MAPT: variants seen among roughly 807,000 people sequenced by gnomAD.
MAPT encodes microtubule-associated protein tau.
Under a neutral mutation model 67.9 loss-of-function variants are expected in MAPT, and 34 were observed. The ratio of observed to expected loss-of-function variants is 0.50; its 90% CI spans 0.38 to 0.67. The LOEUF is 0.67. MAPT is among the 30% of genes least tolerant of loss of function. The probability of loss-of-function intolerance (pLI) is 0.00; values close to 1 mark genes in which losing one functional copy is unlikely to be tolerated. For synonymous variants in MAPT, 456 were observed against 464.5 expected, an observed-to-expected ratio of 0.98 and a Z score of 0.23; for missense variants, 881 against 1,115.2, an observed-to-expected ratio of 0.79 and a Z score of 2.99.
intron 1 of MAPT, among the ~76,000 whole-genome samples, chr17:45,954,979 C>T (rs553197705): frequency 7.5e-4 from 114 of 151,788 alleles, no homozygotes; most frequent in African/African-American, 2.3e-3. Context: ...AGCGAGACTC[C>T]GTCTCAAAAA....
At chr17:45,984,053 A>G in intron 5 of MAPT, 123 bp downstream of exon 5, 1 of 829,856 alleles carries the variant, frequency 1.2e-6, no homozygotes, top group Non-Finnish European at 1.9e-6. Context: ...CTAGGACGCC[A>G]CTAAATCGAC....
chr17:45,949,485 G>C (rs1035712332), intron 1 of MAPT, among the ~76,000 whole-genome samples: 10 of 152,228 alleles, frequency 6.6e-5, no homozygotes, highest in African/African-American at 2.2e-4. Flanking sequence ...TGATACAGTA[G>C]CATAGAGATG....
chr17:45,902,217 A>G (rs2063663024), intron 1 of MAPT, among the ~76,000 whole-genome samples: 1 of 152,136 alleles, frequency 6.6e-6, no homozygotes, highest in African/African-American at 2.4e-5. Flanking sequence ...GACTACAGGT[A>G]CACACCATAA....
chr17:45,907,516 CATAG>C (rs2064406950), intron 1 of MAPT, among the ~76,000 whole-genome samples: 1 of 152,174 alleles, frequency 6.6e-6, no homozygotes, highest in Non-Finnish European at 1.5e-5. Context: ...GAGCTGGGCA[CATAG>C]ATAGCTCAAA....
intron 1 of MAPT, among the ~76,000 whole-genome samples, chr17:45,899,163 C>G (rs527916005): frequency 4.4e-4 from 67 of 152,280 alleles, no homozygotes; most frequent in Middle Eastern, 3.4e-3. Flanking sequence ...AACCATGGTT[C>G]TCAACTGGGG....
At chr17:45,952,070 G>A (rs146598254) in intron 1 of MAPT, among the ~76,000 whole-genome samples, 5 of 152,278 alleles carry the variant, frequency 3.3e-5, no homozygotes, top group East Asian at 1.9e-4. Flanking sequence ...TGTGTGTCTC[G>A]CTTAGATTAC....
intron 1 of MAPT, among the ~76,000 whole-genome samples, chr17:45,942,928 C>A (rs1453527430): frequency 6.6e-6 from 1 of 152,238 alleles, no homozygotes; most frequent in Non-Finnish European, 1.5e-5. Context: ...GGACTCCAGG[C>A]AGCCTGGTCT....
At chr17:46,007,115 CCCA>C (rs1371189250) in intron 9 of MAPT, among the ~76,000 whole-genome samples, 1 of 151,140 alleles carries the variant, frequency 6.6e-6, no homozygotes, top group African/African-American at 2.4e-5. Flanking sequence ...TCTCATGTAC[CCCA>C]CAAGTATATA....
chr17:45,937,202 G>A (rs1180146864), intron 1 of MAPT, among the ~76,000 whole-genome samples: 1 of 152,152 alleles, frequency 6.6e-6, no homozygotes, highest in Non-Finnish European at 1.5e-5. Flanking sequence ...AGAAGTACCA[G>A]AGCTGTGAAA....
chr17:45,974,049 T>G, intron 3 of MAPT: 1 of 381,384 alleles, frequency 2.6e-6, no homozygotes, highest in Non-Finnish European at 5.0e-6. Flanking sequence ...ATCATATAGT[T>G]GTAAGCAATC....
At chr17:45,946,615 A>AAAAAAAAAAAAAAAAATATATATATATAT in intron 1 of MAPT, among the ~76,000 whole-genome samples, 3 of 100,406 alleles carry the variant, frequency 3.0e-5, no homozygotes, top group Admixed American at 1.1e-4. Flanking sequence ...AAAAAAAAAA[A>AAAAAAAAAAAAAAAAATATATATATATAT]ATATATATAT....
chr17:45,987,006 G>T, intron 5 of MAPT, 34 bp from the exon 6 acceptor site: 1 of 1,590,644 alleles, frequency 6.3e-7, no homozygotes, highest in Non-Finnish European at 8.6e-7. Flanking sequence ...TGAAAATGGA[G>T]TGTGACAAGC....
At chr17:45,905,642 G>C (rs144389198) in intron 1 of MAPT, among the ~76,000 whole-genome samples, 266 of 152,284 alleles carry the variant, frequency 1.7e-3, no homozygotes, top group African/African-American at 5.9e-3. Flanking sequence ...GTGGGCCCCT[G>C]TTATCACTGG....
Position 46,018,819 on chromosome 17 carries a change from G to A in MAPT, c.2286+89G>A. On this transcript the variant is annotated intron_variant, in intron 12 of 12. Coordinates refer to ENST00000262410, the MANE Select transcript of MAPT (RefSeq NM_001377265.1). The stretch of plus-strand genomic sequence containing the variant: ...GACAAAGGCTGGTCCAGTTCCCAGA[G>A]GAGGAAAACAGAGGCTTCTGTGTTG... 3 of 973,796 alleles carry A rather than the reference G, an allele frequency of 3.1e-6. No homozygotes were observed. The South Asian group carries it at 3.9e-5, about 13-fold the overall frequency. 60.3% of individuals were successfully genotyped at this position (973,796 alleles called of 1,614,324 possible). A position where few individuals can be genotyped will look rare whatever the true frequency, so the allele number is the denominator to read the frequency against.
At chr17:45,928,023 A>T (rs1382090845) in intron 1 of MAPT, among the ~76,000 whole-genome samples, 1 of 151,208 alleles carries the variant, frequency 6.6e-6, no homozygotes, top group African/African-American at 2.4e-5. Flanking sequence ...AAAAAAAAAA[A>T]AAAAGCATCC....
chr17:45,958,546 C>T lies in MAPT; in HGVS notation c.-17-3775C>T, dbSNP rs114141674. ...CACCAGCCTGAGCAACATGGTGAAACCCTGCCTCTACAAAAGTCATAAATA... is the reference window on the plus strand; with the variant it reads ...CACCAGCCTGAGCAACATGGTGAAATCCTGCCTCTACAAAAGTCATAAATA... On this transcript the variant is annotated intron_variant, in intron 1 of 12. Transcript: ENST00000262410. Among the ~76,000 whole-genome samples, 1,146 of 152,110 alleles carry T rather than the reference C, an allele frequency of 7.5e-3. 15 individuals carry two copies. Among genetic ancestry groups the T allele is most frequent in the African/African-American group, 0.026 (1,096 of 41,478 alleles).
chr17:46,008,897 G>A (rs762175162), intron 9 of MAPT, among the ~76,000 whole-genome samples: 4 of 152,146 alleles, frequency 2.6e-5, no homozygotes, highest in Non-Finnish European at 4.4e-5. Flanking sequence ...CACCTGAGAC[G>A]AATAAAAACC....
chr17:45,961,023 C>T (rs1009969508), intron 1 of MAPT, among the ~76,000 whole-genome samples: 2 of 152,040 alleles, frequency 1.3e-5, no homozygotes, highest in African/African-American at 2.4e-5. Context: ...AGAACAAAAC[C>T]ACTGTGCTCA....
chr17:45,949,325 A>G (rs1598105581), intron 1 of MAPT, among the ~76,000 whole-genome samples: 1 of 152,362 alleles, frequency 6.6e-6, no homozygotes, highest in East Asian at 1.9e-4. Context: ...AGCTCGGTCC[A>G]GGTCCCCAGC....
Sources: allele counts gnomAD v4.1 joint callset (sites outside exome capture counted in the v4.1 genomes callset), GRCh38; gene constraint gnomAD v4.1.1; transcripts MANE v1.5; gene names NCBI Gene and HGNC (gene_info 2026-07-23, HGNC 2026-07-21).